Variants in COL6A5 observed in about 807,000 individuals in gnomAD.
COL6A5 encodes the protein collagen alpha-5(VI) chain.
COL6A5 carries 48 observed loss-of-function variants against 65.6 expected under a neutral mutation model. The ratio of observed to expected loss-of-function variants is 0.73; its 90% CI spans 0.58 to 0.93. COL6A5 has a LOEUF of 0.93. COL6A5 is among the 40% of genes least tolerant of loss of function. The pLI, the probability that COL6A5 is intolerant of heterozygous loss-of-function variation, is 0.00. For synonymous variants in COL6A5, 291 were observed against 322.8 expected, an observed-to-expected ratio of 0.90 and a Z score of 1.05; for missense variants, 914 against 928.3, an observed-to-expected ratio of 0.98 and a Z score of 0.20.
At chr3:130,406,046 T>C (rs1936978848) in intron 15 of COL6A5, 27 bp downstream of exon 15, 4 of 1,551,004 alleles carry the variant, frequency 2.6e-6, no homozygotes, top group Non-Finnish European at 3.5e-6. Context: ...TTAGTTTAAT[T>C]TGATTTCCAA....
At chr3:130,454,975 T>C (rs1286654535) in intron 4 of COL6A5, among the ~76,000 whole-genome samples, 1 of 151,926 alleles carries the variant, frequency 6.6e-6, no homozygotes, top group Admixed American at 6.6e-5. Context: ...AACCAATCTC[T>C]ACAAAAAATT....
intron 22 of COL6A5, among the ~76,000 whole-genome samples, 191 bp downstream of exon 22, chr3:130,414,322 C>G (rs887901755): frequency 3.3e-5 from 5 of 152,034 alleles, no homozygotes; most frequent in Non-Finnish European, 5.9e-5. Context: ...CACTAATAAG[C>G]CTTTGTAGAG....
intron 3 of COL6A5, among the ~76,000 whole-genome samples, chr3:130,377,709 C>T (rs1297188611): frequency 6.6e-6 from 1 of 152,170 alleles, no homozygotes; most frequent in Admixed American, 6.5e-5. Flanking sequence ...CATTGAGTCC[C>T]TTACTTAACC....
intron 1 of COL6A5, among the ~76,000 whole-genome samples, chr3:130,435,790 C>A (rs1004802925): frequency 1.3e-5 from 2 of 152,038 alleles, no homozygotes; most frequent in African/African-American, 4.8e-5. Flanking sequence ...GATTTTGTAT[C>A]CTGAGATTTT....
intron 17 of COL6A5, among the ~76,000 whole-genome samples, chr3:130,408,270 G>C (rs34609051): frequency 0.081 from 12,105 of 148,864 alleles, 590 homozygotes; most frequent in Middle Eastern, 0.1. Context: ...TTCCCGGTGT[G>C]GGGGTGGTGG....
rs746919189 is a variant in COL6A5, at chr3:130,423,913, A to G, written c.5163+13A>G. 5.2e-6 allele frequency: 8 copies of G among 1,538,822 alleles called. No individual in the cohort carries two copies. The South Asian group carries it at 8.4e-5, about 16-fold the overall frequency. ...TCCTGGACAGAGAGTAAGTGTATCC[A>G]TAAGAACTAAATAGGATATAGTAGT... On this transcript the variant is annotated intron_variant and NMD_transcript_variant, in intron 29 of 41. Transcript: ENST00000312481.
intron 18 of COL6A5, 44 bp downstream of exon 18, chr3:130,409,432 C>A: frequency 6.8e-7 from 1 of 1,464,084 alleles, no homozygotes; most frequent in South Asian, 1.3e-5. Context: ...TATACTTGCT[C>A]CACAGTTCCT....
chr3:130,458,681 T>C (rs1327408696), intron 5 of COL6A5, among the ~76,000 whole-genome samples: 1 of 152,162 alleles, frequency 6.6e-6, no homozygotes, highest in Admixed American at 6.6e-5. Context: ...GAATTTGTGT[T>C]GCTAAAGAGT....
chr3:130,462,221 C>T (rs983222501), intron 5 of COL6A5, among the ~76,000 whole-genome samples: 2 of 152,062 alleles, frequency 1.3e-5, no homozygotes, highest in South Asian at 2.1e-4. Flanking sequence ...GCCTTTAGAA[C>T]TTGACCAGTG....
At chr3:130,436,205 G>T (rs1031162303) in intron 1 of COL6A5, among the ~76,000 whole-genome samples, 3 of 151,418 alleles carry the variant, frequency 2.0e-5, no homozygotes, top group African/African-American at 7.3e-5. Context: ...GTTATTAGTT[G>T]CTCACATTCC....
chr3:130,459,105 C>T (rs1419830759), intron 5 of COL6A5, among the ~76,000 whole-genome samples: 1 of 152,002 alleles, frequency 6.6e-6, no homozygotes, highest in Non-Finnish European at 1.5e-5. Flanking sequence ...TAATTTGTAA[C>T]GCGTTTTAAG....
At chr3:130,389,681 T>C (rs1360736302) in intron 6 of COL6A5, among the ~76,000 whole-genome samples, 1 of 152,084 alleles carries the variant, frequency 6.6e-6, no homozygotes, top group Non-Finnish European at 1.5e-5. Context: ...ATCCATCCCT[T>C]TGAAAAATTG....
chr3:130,397,550 C>T (rs764805157), intron 8 of COL6A5, 33 bp from the exon 9 acceptor site: 41 of 1,490,708 alleles, frequency 2.8e-5, no homozygotes, highest in Middle Eastern at 2.1e-4. Flanking sequence ...CCTGTCTACT[C>T]GTTAATCTTG....
At chr3:130,404,046 C>T (rs1257973742) in intron 13 of COL6A5, among the ~76,000 whole-genome samples, 1 of 152,264 alleles carries the variant, frequency 6.6e-6, no homozygotes, top group East Asian at 1.9e-4. Context: ...GGTTATCTGC[C>T]AGGGAGCTCT....
chr3:130,369,383 TC>T (rs746296511), intron 1 of COL6A5, among the ~76,000 whole-genome samples: 3 of 152,246 alleles, frequency 2.0e-5, no homozygotes, highest in Non-Finnish European at 2.9e-5. Flanking sequence ...TTTACATACT[TC>T]CAATCTCATG....
At chr3:130,409,178 T>A in intron 17 of COL6A5, 148 bp from the exon 18 acceptor site, 1 of 580,346 alleles carries the variant, frequency 1.7e-6, no homozygotes, top group Non-Finnish European at 3.0e-6. Context: ...CTGGACTTAG[T>A]ACTGCTTGAG....
chr3:130,457,694 G>A (rs932857542), intron 5 of COL6A5, among the ~76,000 whole-genome samples: 2 of 152,122 alleles, frequency 1.3e-5, no homozygotes, highest in Admixed American at 6.6e-5. Flanking sequence ...TAAAATAAAT[G>A]TGAGTCTCAG....
intron 18 of COL6A5, 47 bp downstream of exon 18, chr3:130,409,435 C>A: frequency 6.9e-7 from 1 of 1,439,074 alleles, no homozygotes; most frequent in Non-Finnish European, 9.4e-7. Context: ...ACTTGCTCCA[C>A]AGTTCCTATC....
Position 130,421,223 on chromosome 3 carries a change from A to T in COL6A5, c.5001+20A>T. 1.0e-5 allele frequency: 16 copies of T among 1,549,696 alleles called. No individual in the cohort carries two copies. The highest frequency in any genetic ancestry group is 1.4e-5 in the Non-Finnish European group (16 of 1,145,330). ...GTAAAGGTAAATATGGAAATCAATT[A>T]TTTTTATTCATTGATGAATCAAACT... On this transcript the variant is annotated intron_variant and NMD_transcript_variant, in intron 26 of 41. Coordinates refer to the COL6A5 transcript ENST00000312481.
Sources: allele counts gnomAD v4.1 joint callset (sites outside exome capture counted in the v4.1 genomes callset), GRCh38; gene constraint gnomAD v4.1.1; transcripts MANE v1.5; gene names NCBI Gene and HGNC (gene_info 2026-07-23, HGNC 2026-07-21).